The following PCDHGB2 variants were observed in gnomAD, a reference collection of about 807,000 sequenced individuals.
The protein encoded by PCDHGB2 is protocadherin gamma subfamily B, 2.
In PCDHGB2, 55 loss-of-function variants were observed where a neutral mutation model predicts 59.3. That is an observed-to-expected ratio of 0.93 (90% CI 0.75 to 1.16). The LOEUF is 1.16. Among genes scored for constraint, PCDHGB2 ranks in the 50% most tolerant of loss-of-function variants. PCDHGB2 has a pLI of 0.00. For synonymous variants in PCDHGB2, 516 were observed against 512.0 expected (o/e 1.01, Z -0.11); for missense variants, 1,228 against 1,198.5 (o/e 1.02, Z -0.36).
Position 141,512,171 on chromosome 5 carries a change from T to C in PCDHGB2, c.*998T>C, listed in dbSNP as rs140884268. ...GGGCTGAGCTAACAGGACCAATGGA[T>C]TAAACTGGCATTTCAGTCCAAGGAA... On this transcript the variant is annotated 3_prime_UTR_variant, in exon 4 of 4. Transcript: ENST00000522605. 584 of 152,796 alleles carry C rather than the reference T, an allele frequency of 3.8e-3. 5 individuals carry two copies. The highest frequency in any genetic ancestry group is 0.011 in the Admixed American group (167 of 15,298). The allele number at this position is 152,796 out of a possible 1,614,324, so 9.5% of individuals were successfully genotyped here. A position where few individuals can be genotyped will look rare whatever the true frequency, so the allele number is the denominator to read the frequency against.
At position 141,486,996 on chromosome 5, in the gene PCDHGB2, A is replaced by G; in HGVS notation, c.2422-7811A>G. ...TCAGGTTACAATGCTTGGGTTTCCT[A>G]TCAGCTCCTGGAGGCCCCAGATCCC... On this transcript the variant is annotated intron_variant, in intron 1 of 3. Coordinates refer to ENST00000522605, the MANE Select transcript of PCDHGB2 (RefSeq NM_018923.3). This position sits in a 1 kb window ranked among gnomAD's most constrained non-coding sequence, Gnocchi z 5.0. 6.2e-7 allele frequency: 1 copy of G among 1,614,152 alleles called. No individual in the cohort carries two copies. Among genetic ancestry groups the G allele is most frequent in the Non-Finnish European group, 8.5e-7 (1 of 1,180,032 alleles).
chr5:141,419,203 C>T (rs201698529), intron 1 of PCDHGB2: 140 of 1,613,988 alleles, frequency 8.7e-5, no homozygotes, highest in Non-Finnish European at 1.2e-4. Flanking sequence ...TCAATGACAA[C>T]GCGCCGGTTT....
intron 1 of PCDHGB2, among the ~76,000 whole-genome samples, chr5:141,484,211 G>A (rs1362875959): frequency 6.6e-6 from 1 of 152,158 alleles, no homozygotes; most frequent in Non-Finnish European, 1.5e-5. Context: ...ATGAACATTA[G>A]CATTCTGCCA....
chr5:141,386,521 A>AG (rs1458324675), intron 1 of PCDHGB2, among the ~76,000 whole-genome samples: 1 of 232 alleles, frequency 4.3e-3, no homozygotes, highest in Non-Finnish European at 0.011. Context: ...TCAAAAAAAG[A>AG]CTCTTTTTAG....
intron 1 of PCDHGB2, among the ~76,000 whole-genome samples, chr5:141,444,982 A>G (rs10066383): frequency 7.1e-4 from 108 of 152,272 alleles, no homozygotes; most frequent in African/African-American, 2.5e-3. Flanking sequence ...ATCCATGAAC[A>G]TGGTATATAT....
At chr5:141,497,203 G>A (rs750138875) in intron 2 of PCDHGB2, among the ~76,000 whole-genome samples, 25 of 91,718 alleles carry the variant, frequency 2.7e-4, no homozygotes, top group Non-Finnish European at 4.9e-4. Flanking sequence ...AACAATGTGA[G>A]TGTAATGGGG....
At position 141,511,246 on chromosome 5, in the gene PCDHGB2, G is replaced by A; in HGVS notation, c.*73G>A. 2 of 1,578,734 alleles carry A rather than the reference G, an allele frequency of 1.3e-6. No homozygotes were observed. Among genetic ancestry groups the A allele is most frequent in the Non-Finnish European group, 1.7e-6 (2 of 1,162,472 alleles). On this transcript the variant is annotated 3_prime_UTR_variant, in exon 4 of 4. Coordinates refer to ENST00000522605, the MANE Select transcript of PCDHGB2 (RefSeq NM_018923.3). The stretch of plus-strand genomic sequence containing the variant: ...CCAGCTTCTCCTTACCTGCACCCAG[G>A]CCTCAGAGTTTCAGGGCTAACCCCC...
chr5:141,414,822 C>G, intron 1 of PCDHGB2: 3 of 1,614,240 alleles, frequency 1.9e-6, no homozygotes, highest in Non-Finnish European at 2.5e-6. Flanking sequence ...TCAGCAGCAA[C>G]GTGTCGTTGA....
At chr5:141,414,629 G>T in intron 1 of PCDHGB2, 1 of 1,614,000 alleles carries the variant, frequency 6.2e-7, no homozygotes. Context: ...GACCCGGACA[G>T]CAAAGAGAAT....
At chr5:141,371,198 C>T (rs1262437618) in intron 1 of PCDHGB2, 124 of 1,613,890 alleles carry the variant, frequency 7.7e-5, no homozygotes, top group Non-Finnish European at 1.0e-4. Context: ...TGGCCATTGA[C>T]ATGGATGAGG....
intron 3 of PCDHGB2, among the ~76,000 whole-genome samples, chr5:141,510,468 A>G (rs1246106107): frequency 2.0e-5 from 3 of 152,152 alleles, no homozygotes; most frequent in Admixed American, 2.0e-4. Flanking sequence ...TGTGGGAGTC[A>G]GAGGCTCCCT....
chr5:141,456,678 T>C (rs2098875796), intron 1 of PCDHGB2, among the ~76,000 whole-genome samples: 1 of 152,152 alleles, frequency 6.6e-6, no homozygotes, highest in South Asian at 2.1e-4. Flanking sequence ...TAAAAATGCA[T>C]TACTGGCCAG....
intron 1 of PCDHGB2, among the ~76,000 whole-genome samples, chr5:141,387,513 TA>T (rs1226986342): frequency 5.3e-5 from 8 of 152,366 alleles, no homozygotes; most frequent in East Asian, 3.9e-4. Flanking sequence ...TAGACGTCAT[TA>T]AATATACAGA....
intron 1 of PCDHGB2, chr5:141,371,527 T>G: frequency 2.5e-6 from 4 of 1,613,816 alleles, no homozygotes; most frequent in Non-Finnish European, 3.4e-6. Context: ...GATTCTGGAT[T>G]TAATGGAGAA....
At chr5:141,441,736 T>C in intron 1 of PCDHGB2, 1 of 365,328 alleles carries the variant, frequency 2.7e-6, no homozygotes. Flanking sequence ...CAGGACTAGC[T>C]CGCGCTCGGC....
chr5:141,432,172 CGTCTCTGTGACCGCCCACGACCCCGA>C lies in PCDHGB2; in HGVS notation c.2422-62634_2422-62609del. 6.2e-7 allele frequency: 1 copy of C among 1,614,152 alleles called. No individual in the cohort carries two copies. Among genetic ancestry groups the C allele is most frequent in the Non-Finnish European group, 8.5e-7 (1 of 1,180,038 alleles). ...AGAACAATCCCAGAGGAGTTTCCCT[CGTCTCTGTGACCGCCCACGACCCCGA>C]CTGTGAAGAGAACGCCCAGATCACT... On this transcript the variant is annotated intron_variant, in intron 1 of 3. Transcript: ENST00000522605. The surrounding 1 kb of genome is among the most constrained non-coding windows in gnomAD (Gnocchi z 6.0).
At chr5:141,395,586 G>C (rs1222744910) in intron 1 of PCDHGB2, 1 of 169,736 alleles carries the variant, frequency 5.9e-6, no homozygotes, top group African/African-American at 2.8e-5. Context: ...GTGTGTGTGT[G>C]TGTGTATCCC....
At chr5:141,417,937 C>T (rs571233315) in intron 1 of PCDHGB2, 2 of 1,612,530 alleles carry the variant, frequency 1.2e-6, no homozygotes, top group South Asian at 1.1e-5. Context: ...CTTTGTTCTA[C>T]CCCACGCTGT....
intron 1 of PCDHGB2, chr5:141,428,180 C>G (rs780780274): frequency 1.3e-6 from 2 of 1,486,274 alleles, no homozygotes; most frequent in East Asian, 2.3e-5. Flanking sequence ...TGACGGAGGA[C>G]AGCCGCCGCT....
Sources: gnomAD v4.1 joint callset for allele counts (sites outside exome capture counted in the v4.1 genomes callset) on GRCh38, gnomAD v4.1.1 for gene constraint, Gnocchi (gnomAD v3.1) non-coding constraint, MANE v1.5 for transcripts, NCBI Gene and HGNC (gene_info 2026-07-23, HGNC 2026-07-21) for gene names.